CDK5RAP2: variants seen among roughly 807,000 people sequenced by gnomAD.
The protein encoded by CDK5RAP2 is CDK5 regulatory subunit associated protein 2, also known as CDK5 regulatory subunit-associated protein 2.
CDK5RAP2 carries 147 observed loss-of-function variants against 232.9 expected under a neutral mutation model. The ratio of observed to expected loss-of-function variants is 0.63; its 90% CI spans 0.55 to 0.72. The LOEUF is 0.72. CDK5RAP2 is among the 30% of genes least tolerant of loss of function. The pLI is 0.00. For missense variants in CDK5RAP2, 2,195 were observed against 2,231.5 expected, an observed-to-expected ratio of 0.98 and a Z score of 0.33; for synonymous variants, 833 against 833.7, an observed-to-expected ratio of 1.00 and a Z score of 0.01.
intron 5 of CDK5RAP2, among the ~76,000 whole-genome samples, chr9:120,545,146 C>T (rs1339264051): frequency 6.6e-6 from 1 of 152,002 alleles, no homozygotes; most frequent in African/African-American, 2.4e-5. Context: ...AAAAAAAAGA[C>T]ATTTACTGTG....
chr9:120,391,689 C>A (rs2031995300), intron 36 of CDK5RAP2, among the ~76,000 whole-genome samples: 1 of 152,204 alleles, frequency 6.6e-6, no homozygotes, highest in South Asian at 2.1e-4. Flanking sequence ...TCCTTACTTT[C>A]CCCTGTAGAC....
intron 25 of CDK5RAP2, among the ~76,000 whole-genome samples, chr9:120,428,656 A>C (rs2035076507): frequency 6.6e-6 from 1 of 152,254 alleles, no homozygotes. Context: ...AGACGGATTC[A>C]CAGCCAAATT....
intron 35 of CDK5RAP2, among the ~76,000 whole-genome samples, chr9:120,395,785 A>G (rs1414040879): frequency 6.6e-6 from 1 of 152,236 alleles, no homozygotes; most frequent in Non-Finnish European, 1.5e-5. Flanking sequence ...TTGTATGAAA[A>G]CTAACATATG....
chr9:120,442,048 A>G (rs1455095159), intron 23 of CDK5RAP2, among the ~76,000 whole-genome samples: 1 of 152,150 alleles, frequency 6.6e-6, no homozygotes, highest in Non-Finnish European at 1.5e-5. Flanking sequence ...ATGATAATAG[A>G]ATTTGGTCTG....
intron 15 of CDK5RAP2, among the ~76,000 whole-genome samples, chr9:120,472,746 T>C (rs1307418987): frequency 6.6e-6 from 1 of 152,032 alleles, no homozygotes; most frequent in Non-Finnish European, 1.5e-5. Context: ...ACCAAGAAAA[T>C]GCACACCTCC....
chr9:120,458,757 A>G, intron 19 of CDK5RAP2, 135 bp from the exon 20 acceptor site: 1 of 775,954 alleles, frequency 1.3e-6, no homozygotes, highest in Non-Finnish European at 2.2e-6. Flanking sequence ...GAAACAGAAA[A>G]GAAAAGGGGG....
In CDK5RAP2 at chr9:120,416,520, G is replaced by C. The variant is rs62577971; in HGVS notation, c.4178-1361C>G. Among the ~76,000 whole-genome samples, 1,167 of 152,282 alleles carry C rather than the reference G, an allele frequency of 7.7e-3. 7 individuals are homozygous for C. Among genetic ancestry groups the C allele is most frequent in the Middle Eastern group, 0.02 (6 of 294 alleles). ...GAAATATATCTAAATATTAATAGCA[G>C]TTGCCTTTAGGTGGCAGATTTTAGA... is the stretch of plus-strand genomic sequence containing the variant. On this transcript the variant is annotated intron_variant, in intron 27 of 37. Transcript: ENST00000349780.
intron 14 of CDK5RAP2, among the ~76,000 whole-genome samples, chr9:120,485,995 A>AC (rs1167123259): frequency 6.6e-6 from 1 of 152,170 alleles, no homozygotes; most frequent in Non-Finnish European, 1.5e-5. Context: ...AGCCAATGAT[A>AC]CCCCCAGGAC....
At chr9:120,406,956 A>G (rs1166478796) in intron 32 of CDK5RAP2, 56 bp downstream of exon 32, 8 of 1,294,486 alleles carry the variant, frequency 6.2e-6, no homozygotes, top group African/African-American at 1.5e-5. Context: ...TTCACATGTC[A>G]CACACAGATG....
intron 12 of CDK5RAP2, among the ~76,000 whole-genome samples, chr9:120,511,657 T>C (rs1411328813): frequency 6.6e-6 from 1 of 152,128 alleles, no homozygotes; most frequent in African/African-American, 2.4e-5. Flanking sequence ...TGATTTTCTC[T>C]TTTTGCTTTC....
chr9:120,512,313 C>T (rs1173847676), intron 12 of CDK5RAP2, among the ~76,000 whole-genome samples: 1 of 152,180 alleles, frequency 6.6e-6, no homozygotes, highest in Non-Finnish European at 1.5e-5. Context: ...CGTGCCACTA[C>T]ACAACAGCCT....
At chr9:120,478,018 A>G (rs1428253135) in intron 14 of CDK5RAP2, among the ~76,000 whole-genome samples, 1 of 152,218 alleles carries the variant, frequency 6.6e-6, no homozygotes, top group East Asian at 1.9e-4. Flanking sequence ...TATGAGCTTC[A>G]GTCTCCTCAT....
At chr9:120,470,328 A>C in intron 16 of CDK5RAP2, 108 bp from the exon 17 acceptor site, 1 of 623,710 alleles carries the variant, frequency 1.6e-6, no homozygotes. Flanking sequence ...AGCAATGTGA[A>C]TGGGGGAGGT....
At chr9:120,443,810 T>G (rs976305739) in intron 22 of CDK5RAP2, 68 bp from the exon 23 acceptor site, 14 of 1,601,998 alleles carry the variant, frequency 8.7e-6, no homozygotes, top group Non-Finnish European at 1.2e-5. Flanking sequence ...GCCAAGCAAC[T>G]GAGAAGAACA....
At chr9:120,533,972 C>T (rs980555940) in intron 7 of CDK5RAP2, among the ~76,000 whole-genome samples, 18 of 152,218 alleles carry the variant, frequency 1.2e-4, no homozygotes, top group Admixed American at 6.5e-4. Context: ...TGGTCACCAT[C>T]AGCTCTTTCC....
At chr9:120,570,224 G>T (rs980455823) in intron 2 of CDK5RAP2, among the ~76,000 whole-genome samples, 1 of 152,110 alleles carries the variant, frequency 6.6e-6, no homozygotes. Context: ...TTGTTTTCCT[G>T]TTCCTCAAAC....
chr9:120,542,852 C>T (rs997282587), intron 5 of CDK5RAP2, among the ~76,000 whole-genome samples: 2 of 152,124 alleles, frequency 1.3e-5, no homozygotes, highest in African/African-American at 4.8e-5. Context: ...TCTGTACCAG[C>T]GAAGTCCGTT....
At chr9:120,432,945 C>T (rs2035368896) in intron 25 of CDK5RAP2, among the ~76,000 whole-genome samples, 6 of 152,282 alleles carry the variant, frequency 3.9e-5, no homozygotes, top group Admixed American at 3.9e-4. Context: ...TGAAAACTAG[C>T]TTATTTAGAA....
intron 14 of CDK5RAP2, among the ~76,000 whole-genome samples, chr9:120,482,515 C>T (rs1179653901): frequency 6.6e-6 from 1 of 152,190 alleles, no homozygotes; most frequent in Non-Finnish European, 1.5e-5. Flanking sequence ...TTACCACTAT[C>T]CACTGGCACA....
Sources: allele counts gnomAD v4.1 joint callset (sites outside exome capture counted in the v4.1 genomes callset), GRCh38; gene constraint gnomAD v4.1.1; transcripts MANE v1.5; gene names NCBI Gene and HGNC (gene_info 2026-07-23, HGNC 2026-07-21).